The following DLGAP2 variants were observed in gnomAD, a reference collection of about 807,000 sequenced individuals.
The protein encoded by DLGAP2 is DLG associated protein 2.
In DLGAP2, 26 loss-of-function variants were observed where a neutral mutation model predicts 100.3. The observed-to-expected ratio is 0.26, with a 90% CI of 0.19 to 0.36. The LOEUF (loss-of-function observed/expected upper bound fraction) is 0.36. Ranked by LOEUF, DLGAP2 falls within the 10% of genes least tolerant of loss-of-function variation. The pLI, the probability that DLGAP2 is intolerant of heterozygous loss-of-function variation, is 1.00. For synonymous variants in DLGAP2, 886 were observed against 630.1 expected (o/e 1.41, Z -6.08); for missense variants, 1,858 against 1,453.2 (o/e 1.28, Z -4.53).
At chr8:848,321 G>A (rs1329648298) in intron 1 of DLGAP2, among the ~76,000 whole-genome samples, 2 of 152,090 alleles carry the variant, frequency 1.3e-5, no homozygotes, top group East Asian at 1.9e-4. Context: ...TCCAGTATAG[G>A]ATCGTGCGGT....
intron 1 of DLGAP2, among the ~76,000 whole-genome samples, chr8:852,840 C>T (rs1797206999): frequency 6.6e-6 from 1 of 152,210 alleles, no homozygotes; most frequent in Non-Finnish European, 1.5e-5. Flanking sequence ...TGTTGCTTCA[C>T]AAAAGGACCT....
At chr8:1,620,148 C>T (rs763594914) in intron 6 of DLGAP2, among the ~76,000 whole-genome samples, 1 of 152,150 alleles carries the variant, frequency 6.6e-6, no homozygotes, top group Non-Finnish European at 1.5e-5. Context: ...ATTTTCTTAC[C>T]TTAACGTCTG....
At chr8:1,511,107 C>T (rs995995973) in intron 4 of DLGAP2, among the ~76,000 whole-genome samples, 9 of 152,222 alleles carry the variant, frequency 5.9e-5, no homozygotes, top group African/African-American at 9.6e-5. Context: ...ACTGTGGAAC[C>T]GAAAATAAAT....
At chr8:877,970 C>A (rs543106222) in intron 1 of DLGAP2, among the ~76,000 whole-genome samples, 2 of 152,216 alleles carry the variant, frequency 1.3e-5, no homozygotes, top group Non-Finnish European at 2.9e-5. Context: ...CCCACAGGTA[C>A]TTGTCTCCCT....
At chr8:1,202,025 A>G (rs976349164) in intron 2 of DLGAP2, among the ~76,000 whole-genome samples, 3 of 149,072 alleles carry the variant, frequency 2.0e-5, no homozygotes, top group Non-Finnish European at 4.5e-5. Flanking sequence ...GTCTATGTAC[A>G]TGTGTGCACA....
At chr8:1,545,382 A>G (rs556938556) in intron 4 of DLGAP2, among the ~76,000 whole-genome samples, 1 of 152,286 alleles carries the variant, frequency 6.6e-6, no homozygotes, top group African/African-American at 2.4e-5. Context: ...CATAAGTGCA[A>G]CAGTAAGACG....
chr8:886,196 T>C (rs1286939878), intron 1 of DLGAP2, among the ~76,000 whole-genome samples: 1 of 152,222 alleles, frequency 6.6e-6, no homozygotes, highest in East Asian at 1.9e-4. Flanking sequence ...TAGAGGTGTT[T>C]ATAGTATTCT....
intron 5 of DLGAP2, among the ~76,000 whole-genome samples, chr8:1,556,730 G>T (rs1322767606): frequency 1.3e-5 from 2 of 152,240 alleles, no homozygotes; most frequent in African/African-American, 4.8e-5. Context: ...AAAGTGGGCA[G>T]CTGAACTCTA....
At chr8:865,361 C>T (rs999411002) in intron 1 of DLGAP2, among the ~76,000 whole-genome samples, 3 of 152,152 alleles carry the variant, frequency 2.0e-5, no homozygotes, top group Non-Finnish European at 4.4e-5. Flanking sequence ...TAGCTTCTGG[C>T]GGAGAAGATG....
At chr8:974,063 C>A (rs985196066) in intron 2 of DLGAP2, among the ~76,000 whole-genome samples, 31 of 151,750 alleles carry the variant, frequency 2.0e-4, no homozygotes, top group African/African-American at 7.3e-4. Context: ...ATGGTAATAC[C>A]AGAAAGAGAA....
chr8:1,683,856 A>ATATATATATATATATATATATGTGTG (rs1467438870), intron 12 of DLGAP2, among the ~76,000 whole-genome samples: 4 of 62,224 alleles, frequency 6.4e-5, no homozygotes, highest in African/African-American at 2.5e-4. Flanking sequence ...ATATATATAT[A>ATATATATATATATATATATATGTGTG]TGTGTGTGTG....
At chr8:937,815 G>C (rs553122345) in intron 2 of DLGAP2, among the ~76,000 whole-genome samples, 1 of 152,226 alleles carries the variant, frequency 6.6e-6, no homozygotes, top group African/African-American at 2.4e-5. Flanking sequence ...TTCTCTTACC[G>C]AAAGTGAAGG....
intron 3 of DLGAP2, chr8:1,262,319 A>T (rs1336823204): frequency 1.3e-5 from 2 of 152,232 alleles, no homozygotes; most frequent in Non-Finnish European, 1.5e-5. Flanking sequence ...CATGTTCTGT[A>T]TTACGAGGTT....
intron 2 of DLGAP2, among the ~76,000 whole-genome samples, chr8:1,052,037 C>G (rs201816001): frequency 6.6e-6 from 1 of 152,182 alleles, no homozygotes; most frequent in Non-Finnish European, 1.5e-5. Flanking sequence ...AGGGAGAAAC[C>G]AGGCTCAACA....
At chr8:1,518,108 T>C (rs1035354590) in intron 4 of DLGAP2, among the ~76,000 whole-genome samples, 1 of 152,230 alleles carries the variant, frequency 6.6e-6, no homozygotes, top group Non-Finnish European at 1.5e-5. Flanking sequence ...AGCCCTTATT[T>C]GGAACAGTCT....
intron 2 of DLGAP2, among the ~76,000 whole-genome samples, chr8:1,177,774 C>T (rs779078232): frequency 2.6e-5 from 4 of 152,154 alleles, no homozygotes; most frequent in Non-Finnish European, 5.9e-5. Context: ...GTAGACCACA[C>T]CTGCTGTGCC....
chr8:1,458,711 C>T (rs1798389273), intron 3 of DLGAP2, among the ~76,000 whole-genome samples: 1 of 152,210 alleles, frequency 6.6e-6, no homozygotes, highest in Non-Finnish European at 1.5e-5. Flanking sequence ...CTGGGGAAGA[C>T]AGGGTTTGCA....
intron 1 of DLGAP2, among the ~76,000 whole-genome samples, chr8:841,572 C>T (rs1216816394): frequency 6.6e-6 from 1 of 152,044 alleles, no homozygotes; most frequent in Non-Finnish European, 1.5e-5. Flanking sequence ...GCTAGAAATA[C>T]ATGTGATTTT....
At chr8:825,942 C>G (rs1227748529) in intron 1 of DLGAP2, among the ~76,000 whole-genome samples, 1 of 152,206 alleles carries the variant, frequency 6.6e-6, no homozygotes, top group Non-Finnish European at 1.5e-5. Flanking sequence ...TGTATTCATT[C>G]TATCTGACTA....
Sources: gnomAD v4.1 joint callset for allele counts (sites outside exome capture counted in the v4.1 genomes callset) on GRCh38, gnomAD v4.1.1 for gene constraint, MANE v1.5 for transcripts, NCBI Gene and HGNC (gene_info 2026-07-23, HGNC 2026-07-21) for gene names.